Variants in PKHD1L1 observed in about 807,000 individuals in gnomAD.
PKHD1L1 encodes PKHD1 like 1.
Under a neutral mutation model 462.9 loss-of-function variants are expected in PKHD1L1, and 434 were observed. The observed-to-expected ratio is 0.94, with a 90% confidence interval of 0.87 to 1.02. The LOEUF is 1.02. Among genes scored for constraint, PKHD1L1 ranks in the 50% least tolerant of loss-of-function variants. The probability of loss-of-function intolerance (pLI) is 0.00; values close to 1 mark genes in which losing one functional copy is unlikely to be tolerated. For synonymous variants in PKHD1L1, 1,781 were observed against 1,750.0 expected (o/e 1.02, Z -0.44); for missense variants, 5,202 against 5,096.1 (o/e 1.02, Z -0.63).
intron 19 of PKHD1L1, 66 bp downstream of exon 19, chr8:109,410,044 A>G: frequency 1.1e-6 from 1 of 871,998 alleles, no homozygotes; most frequent in Non-Finnish European, 1.7e-6. Flanking sequence ...TTTAAATTTT[A>G]TAATTTCTCT....
At chr8:109,510,257 A>C (rs749331619) in intron 70 of PKHD1L1, among the ~76,000 whole-genome samples, 1 of 152,192 alleles carries the variant, frequency 6.6e-6, no homozygotes, top group African/African-American at 2.4e-5. Context: ...TTAATGAATC[A>C]ATGGTTCAGG....
At chr8:109,462,805 G>T (rs1164807321) in intron 48 of PKHD1L1, among the ~76,000 whole-genome samples, 2 of 152,120 alleles carry the variant, frequency 1.3e-5, no homozygotes, top group African/African-American at 4.8e-5. Context: ...CTCCCAAAGT[G>T]CTGGGATTAC....
At chr8:109,395,931 G>C (rs1293083639) in intron 10 of PKHD1L1, 96 bp from the exon 11 acceptor site, 3 of 748,422 alleles carry the variant, frequency 4.0e-6, no homozygotes, top group Non-Finnish European at 4.6e-6. Context: ...CCTGTGTTAG[G>C]CACTATGGCT....
At chr8:109,406,310 T>C in intron 16 of PKHD1L1, 25 bp from the exon 17 acceptor site, 1 of 1,530,380 alleles carries the variant, frequency 6.5e-7, no homozygotes, top group Non-Finnish European at 8.8e-7. Context: ...TGTTTGTTTG[T>C]TTGTTTGTTT....
chr8:109,505,935 TATA>T (rs1819667083), intron 68 of PKHD1L1, among the ~76,000 whole-genome samples: 1 of 152,096 alleles, frequency 6.6e-6, no homozygotes, highest in Non-Finnish European at 1.5e-5. Context: ...TTCAGATAAA[TATA>T]ATATTTCATA....
intron 49 of PKHD1L1, among the ~76,000 whole-genome samples, chr8:109,465,700 A>T (rs946158312): frequency 2.6e-5 from 4 of 152,312 alleles, no homozygotes; most frequent in South Asian, 2.1e-4. Flanking sequence ...GACTGTATCT[A>T]TCCTTGCGAA....
Position 109,454,850 on chromosome 8 carries a change from A to C in PKHD1L1, c.6872A>C (p.His2291Pro). The part of the protein sequence containing the change: ...LAVREGILDL[H>P]GVPVPVTWTR... ...GTGCGGGAGGGAATCCTGGATCTGC[A>C]CGGTACTGTGGCCAAGTGGCTAAGG... The change falls in exon 45 of 78, where the codon CAC becomes CCC. Residue 2291 changes from histidine to proline, a missense_variant and splice_region_variant. His to Pro is a moderately conservative substitution (Grantham distance 77, BLOSUM62 -2). Transcript: ENST00000378402. 6.2e-7 allele frequency: 1 copy of C among 1,613,350 alleles called. No homozygotes were observed. Among genetic ancestry groups the C allele is most frequent in the Non-Finnish European group, 8.5e-7 (1 of 1,179,562 alleles).
rs556525538 is a variant in PKHD1L1, at chr8:109,447,152, G to A, written c.5777-991G>A. 2.0e-5 allele frequency among the ~76,000 whole-genome samples: 3 copies of A among 152,220 alleles called. No homozygotes were observed. In the South Asian group the frequency reaches 6.2e-4, roughly 32 times the overall value. On this transcript the variant is annotated intron_variant, in intron 38 of 77. Transcript: ENST00000378402. ...GCAGGAGAATCGCTTGAATCCACGAGGCAGAAGTTGCAGTGAACTGAGATC... is the reference window on the plus strand; with the variant it reads ...GCAGGAGAATCGCTTGAATCCACGAAGCAGAAGTTGCAGTGAACTGAGATC...
At chr8:109,427,954 T>G (rs769851004) in intron 25 of PKHD1L1, among the ~76,000 whole-genome samples, 1 of 144,190 alleles carries the variant, frequency 6.9e-6, no homozygotes, top group South Asian at 2.2e-4. Flanking sequence ...GAGACGGAGA[T>G]TGCAGTGAGC....
At chr8:109,462,051 C>T in intron 48 of PKHD1L1, 143 bp downstream of exon 48, 1 of 1,021,846 alleles carries the variant, frequency 9.8e-7, no homozygotes, top group Non-Finnish European at 1.3e-6. Flanking sequence ...TTAATACACC[C>T]ATTTGATCAT....
intron 50 of PKHD1L1, chr8:109,470,864 A>G: frequency 1.3e-6 from 2 of 1,517,360 alleles, no homozygotes; most frequent in Non-Finnish European, 1.8e-6. Flanking sequence ...GCAGGAAAGA[A>G]GATCCTGAAA....
chr8:109,525,061 T>C (rs981976215), intron 76 of PKHD1L1, among the ~76,000 whole-genome samples: 1 of 152,152 alleles, frequency 6.6e-6, no homozygotes, highest in African/African-American at 2.4e-5. Flanking sequence ...AACAAAGCAT[T>C]AGTGAGAAAA....
intron 31 of PKHD1L1, among the ~76,000 whole-genome samples, chr8:109,438,670 A>T (rs536487520): frequency 1.1e-3 from 161 of 150,974 alleles, no homozygotes; most frequent in African/African-American, 3.0e-3. Flanking sequence ...TTTTTTTTTT[A>T]AAAAAGGACT....
intron 50 of PKHD1L1, among the ~76,000 whole-genome samples, chr8:109,468,679 C>G (rs190640462): frequency 6.9e-4 from 105 of 152,350 alleles, no homozygotes; most frequent in African/African-American, 2.0e-3. Context: ...TCATCCATCA[C>G]TTGCCCTTGA....
chr8:109,454,334 T>C (rs1816701536), intron 44 of PKHD1L1, 88 bp downstream of exon 44: 1 of 856,660 alleles, frequency 1.2e-6, no homozygotes, highest in East Asian at 2.8e-5. Context: ...TAGTTAATTA[T>C]ATCAACCTCT....
rs746069402 is a variant in PKHD1L1 at position 109,410,018 on chromosome 8, G to C, written c.2085+40G>C. 3 of 1,077,566 alleles carry C rather than the reference G, an allele frequency of 2.8e-6. No homozygotes were observed. In the South Asian group the frequency reaches 4.7e-5, roughly 17 times the overall value. The allele number at this position is 1,077,566 out of a possible 1,614,324, so 66.8% of individuals were successfully genotyped here. The stretch of plus-strand genomic sequence containing the variant: ...ATGAACTGTGAAACTGACCTAATAA[G>C]AATTTATATAATGGTTTTAAATTTT... On this transcript the variant is annotated intron_variant, in intron 19 of 77. Coordinates refer to ENST00000378402, the MANE Select transcript of PKHD1L1 (RefSeq NM_177531.6).
At chr8:109,403,295 A>G (rs1813367627) in intron 14 of PKHD1L1, among the ~76,000 whole-genome samples, 1 of 152,190 alleles carries the variant, frequency 6.6e-6, no homozygotes, top group Admixed American at 6.6e-5. Flanking sequence ...ATTTTACTCA[A>G]ATATTAAAAA....
chr8:109,410,149 G>C (rs972531167), intron 19 of PKHD1L1, among the ~76,000 whole-genome samples, 171 bp downstream of exon 19: 7 of 152,086 alleles, frequency 4.6e-5, no homozygotes, highest in Admixed American at 1.3e-4. Context: ...AGGTGCTATT[G>C]GTACTGCCGT....
At chr8:109,375,621 T>C (rs1811776096) in intron 2 of PKHD1L1, among the ~76,000 whole-genome samples, 1 of 152,170 alleles carries the variant, frequency 6.6e-6, no homozygotes, top group African/African-American at 2.4e-5. Context: ...TTTTTCCCCA[T>C]CTTTGTGGTT....
Sources: gnomAD v4.1 joint callset for allele counts (sites outside exome capture counted in the v4.1 genomes callset) on GRCh38, gnomAD v4.1.1 for gene constraint, MANE v1.5 for transcripts, NCBI Gene and HGNC (gene_info 2026-07-23, HGNC 2026-07-21) for gene names.